Variants in PPFIA2 observed in about 807,000 individuals in gnomAD.
PPFIA2 encodes liprin-alpha-2.
In PPFIA2, 46 loss-of-function variants were observed where a neutral mutation model predicts 175.5. The observed-to-expected ratio is 0.26, with a 90% confidence interval of 0.21 to 0.34. The LOEUF is 0.34. Among genes scored for constraint, PPFIA2 ranks in the 10% least tolerant of loss-of-function variants. The pLI is 1.00. For synonymous variants in PPFIA2, 568 were observed against 511.4 expected (o/e 1.11, Z -1.49); for missense variants, 1,179 against 1,506.1 (o/e 0.78, Z 3.60).
chr12:81,372,158 T>G (rs2035291857), intron 11 of PPFIA2, among the ~76,000 whole-genome samples: 1 of 151,762 alleles, frequency 6.6e-6, no homozygotes, highest in Non-Finnish European at 1.5e-5. Flanking sequence ...TTTATCTTAG[T>G]TTCACTCCTT....
chr12:81,428,215 G>C (rs1222270349), intron 7 of PPFIA2, among the ~76,000 whole-genome samples: 2 of 151,882 alleles, frequency 1.3e-5, no homozygotes, highest in East Asian at 3.9e-4. Context: ...AACTATGTCT[G>C]CTACCACAAA....
intron 7 of PPFIA2, among the ~76,000 whole-genome samples, chr12:81,436,797 T>G (rs2049138008): frequency 6.6e-6 from 1 of 152,220 alleles, no homozygotes; most frequent in South Asian, 2.1e-4. Context: ...ATTAGAAAAC[T>G]AAAGTAAATT....
intron 4 of PPFIA2, among the ~76,000 whole-genome samples, chr12:81,612,038 G>A (rs149512028): frequency 8.8e-4 from 134 of 152,102 alleles, no homozygotes; most frequent in African/African-American, 2.9e-3. Flanking sequence ...CTCAGTTTCA[G>A]AGTCACATCT....
intron 4 of PPFIA2, among the ~76,000 whole-genome samples, chr12:81,529,984 A>C (rs2064288812): frequency 6.6e-6 from 1 of 152,042 alleles, no homozygotes; most frequent in African/African-American, 2.4e-5. Context: ...AAGTTTTTTA[A>C]AAAAATGATG....
intron 22 of PPFIA2, among the ~76,000 whole-genome samples, chr12:81,322,957 T>A (rs1394649737): frequency 6.6e-6 from 1 of 152,178 alleles, no homozygotes; most frequent in Non-Finnish European, 1.5e-5. Context: ...TCTTGTAAGT[T>A]GTTGTAACCT....
At chr12:81,368,637 T>A (rs979033300) in intron 13 of PPFIA2, 88 bp downstream of exon 13, 31 of 1,298,926 alleles carry the variant, frequency 2.4e-5, no homozygotes, top group Non-Finnish European at 3.0e-5. Context: ...AAATGGATCA[T>A]CTGACCATTA....
intron 3 of PPFIA2, among the ~76,000 whole-genome samples, chr12:81,727,248 T>G (rs1469030832): frequency 6.6e-6 from 1 of 151,344 alleles, no homozygotes; most frequent in African/African-American, 2.4e-5. Flanking sequence ...TAAAGGTTCA[T>G]GAGCACCTTC....
At chr12:81,657,335 C>A (rs1033176234) in intron 4 of PPFIA2, among the ~76,000 whole-genome samples, 4 of 152,182 alleles carry the variant, frequency 2.6e-5, no homozygotes, top group Non-Finnish European at 5.9e-5. Flanking sequence ...GGAAAACTAG[C>A]TCATTTCTTA....
chr12:81,267,637 A>ATC (rs2037668186), intron 29 of PPFIA2, among the ~76,000 whole-genome samples: 1 of 152,108 alleles, frequency 6.6e-6, no homozygotes, highest in African/African-American at 2.4e-5. Context: ...ACTGATGGCC[A>ATC]TCTGTCAGGG....
intron 4 of PPFIA2, among the ~76,000 whole-genome samples, chr12:81,499,587 G>A (rs1439831912): frequency 6.6e-6 from 1 of 152,064 alleles, no homozygotes; most frequent in African/African-American, 2.4e-5. Flanking sequence ...AACACTTTTT[G>A]TCAGATCCCA....
chr12:81,349,979 A>G (rs2059737005), intron 17 of PPFIA2, among the ~76,000 whole-genome samples: 2 of 152,186 alleles, frequency 1.3e-5, no homozygotes, highest in Non-Finnish European at 2.9e-5. Flanking sequence ...AATCAAGATG[A>G]CTATTTCTTT....
rs555791099 is a variant in PPFIA2 at position 81,297,663 on chromosome 12, A to AT, written c.2724+1637dup. Among the ~76,000 whole-genome samples, 216 of 152,278 alleles carry AT rather than the reference A, an allele frequency of 1.4e-3. 1 individual carries two copies. Among genetic ancestry groups the AT allele is most frequent in the African/African-American group, 4.9e-3 (202 of 41,566 alleles). ...AATATGTCTTCTTTGGACCCTAATG[A>AT]TTTTTTTACCTTTGTCTTCTAAGAT... On this transcript the variant is annotated intron_variant, in intron 23 of 32. Transcript: ENST00000549396.
At chr12:81,265,317 A>AAAAT (rs57629428) in intron 30 of PPFIA2, among the ~76,000 whole-genome samples, 1 of 150,798 alleles carries the variant, frequency 6.6e-6, no homozygotes, top group African/African-American at 2.4e-5. Context: ...AAAAAAAAAA[A>AAAAT]TTGCCAGTTT....
At chr12:81,434,597 T>C (rs1301024893) in intron 7 of PPFIA2, among the ~76,000 whole-genome samples, 2 of 152,014 alleles carry the variant, frequency 1.3e-5, no homozygotes, top group Non-Finnish European at 2.9e-5. Flanking sequence ...CAAAGATAAA[T>C]ACATTTTCAA....
chr12:81,351,875 T>C (rs1190690024), intron 17 of PPFIA2, among the ~76,000 whole-genome samples: 1 of 151,964 alleles, frequency 6.6e-6, no homozygotes, highest in African/African-American at 2.4e-5. Flanking sequence ...TATGGCACAC[T>C]AGCCTGGGTA....
intron 2 of PPFIA2, among the ~76,000 whole-genome samples, 158 bp downstream of exon 2, chr12:81,758,242 T>C (rs1050771990): frequency 2.0e-5 from 3 of 151,702 alleles, no homozygotes; most frequent in Admixed American, 6.6e-5. Context: ...GGTAGAGAGA[T>C]AGGAGATGGA....
At chr12:81,609,468 T>A (rs1487730535) in intron 4 of PPFIA2, among the ~76,000 whole-genome samples, 1 of 152,156 alleles carries the variant, frequency 6.6e-6, no homozygotes, top group Non-Finnish European at 1.5e-5. Context: ...ATGTTGGGTA[T>A]GTATACATTT....
In PPFIA2 at chr12:81,443,530, A is replaced by G. The variant is rs184696514; in HGVS notation, c.570+2026T>C. Among the ~76,000 whole-genome samples the G allele has an allele frequency of 1.0e-3, 159 of 151,594 alleles. 2 individuals carry two copies. In the East Asian group the frequency reaches 0.029, roughly 28 times the overall value. ...TTCTAGATTACGTTGTACAACAACC[A>G]TTTTTTTCTTAAATGTACTCACACG... On this transcript the variant is annotated intron_variant, in intron 6 of 32. Transcript: ENST00000549396.
intron 4 of PPFIA2, among the ~76,000 whole-genome samples, chr12:81,518,929 G>C (rs1160577168): frequency 1.3e-5 from 2 of 152,046 alleles, no homozygotes; most frequent in African/African-American, 4.8e-5. Context: ...GAATAAATGA[G>C]TCATATAGAA....
Sources: allele counts gnomAD v4.1 joint callset (sites outside exome capture counted in the v4.1 genomes callset), GRCh38; gene constraint gnomAD v4.1.1; transcripts MANE v1.5; gene names NCBI Gene and HGNC (gene_info 2026-07-23, HGNC 2026-07-21).